Variants in PNPLA8 observed in about 807,000 individuals in gnomAD.
PNPLA8 encodes the protein calcium-independent phospholipase A2-gamma.
Under a neutral mutation model 76.9 loss-of-function variants are expected in PNPLA8, and 39 were observed. The ratio of observed to expected loss-of-function variants is 0.51; its 90% CI spans 0.39 to 0.66. The LOEUF (loss-of-function observed/expected upper bound fraction) is 0.66, where lower values mean the gene tolerates loss of function less well. Among genes scored for constraint, PNPLA8 ranks in the 30% least tolerant of loss-of-function variants. PNPLA8 has a pLI of 0.00. For missense variants in PNPLA8, 887 were observed against 918.0 expected (o/e 0.97, Z 0.44); for synonymous variants, 301 against 307.9 (o/e 0.98, Z 0.24).
At chr7:108,506,161 T>C (rs1862404689) in intron 4 of PNPLA8, among the ~76,000 whole-genome samples, 1 of 152,162 alleles carries the variant, frequency 6.6e-6, no homozygotes, top group Non-Finnish European at 1.5e-5. Context: ...GCAGATTACT[T>C]GAGGTCAGGA....
rs1254368426 is a variant in PNPLA8 at position 108,470,643 on chromosome 7, T to G, written c.*1758A>C. Reference sequence around the variant, plus strand: ...AAATATTCTGATTTCCAATTATTTGTTTTTTTCTTGCATTTACAAGTTGTT... The same window carrying G: ...AAATATTCTGATTTCCAATTATTTGGTTTTTTCTTGCATTTACAAGTTGTT... On this transcript the variant is annotated 3_prime_UTR_variant, in exon 11 of 11. Transcript: ENST00000257694. 2 of 152,172 alleles carry G rather than the reference T, an allele frequency of 1.3e-5. No individual in the cohort carries two copies. Among genetic ancestry groups the G allele is most frequent in the East Asian group, 1.9e-4 (1 of 5,188 alleles). The allele number at this position is 152,172 out of a possible 1,614,324, so 9.4% of individuals were successfully genotyped here.
At chr7:108,473,371 T>C (rs780038268) in intron 10 of PNPLA8, among the ~76,000 whole-genome samples, 5 of 152,214 alleles carry the variant, frequency 3.3e-5, no homozygotes, top group Admixed American at 6.5e-5. Flanking sequence ...AACCCGATTA[T>C]AAACATTTAC....
At chr7:108,512,348 T>C (rs1284088268) in intron 4 of PNPLA8, among the ~76,000 whole-genome samples, 1 of 152,192 alleles carries the variant, frequency 6.6e-6, no homozygotes, top group Non-Finnish European at 1.5e-5. Context: ...CCTACAATGC[T>C]TTGTGCTGCC....
intron 7 of PNPLA8, among the ~76,000 whole-genome samples, chr7:108,492,725 A>C (rs1313297256): frequency 1.3e-5 from 2 of 152,204 alleles, no homozygotes; most frequent in Non-Finnish European, 2.9e-5. Context: ...TCCTCTCAAT[A>C]AACAATGGGC....
At chr7:108,491,562 CT>C in intron 7 of PNPLA8, 95 bp from the exon 8 acceptor site, 1 of 817,926 alleles carries the variant, frequency 1.2e-6, no homozygotes, top group Admixed American at 1.9e-5. Flanking sequence ...TTGTCCATGG[CT>C]TTGTCAAAGT....
chr7:108,515,523 C>A lies in PNPLA8; in HGVS notation c.-32G>T. On this transcript the variant is annotated 5_prime_UTR_variant, in exon 3 of 11. Transcript: ENST00000257694. ...AAAATCATTTATTTTCTATGACATTCTCTCACTTCTTGAACGCTTCATTTA... is the reference window on the plus strand; with the variant it reads ...AAAATCATTTATTTTCTATGACATTATCTCACTTCTTGAACGCTTCATTTA... 1 of 1,361,064 alleles carries A rather than the reference C, an allele frequency of 7.3e-7. No individual in the cohort carries two copies. The highest frequency in any genetic ancestry group is 2.2e-5 in the South Asian group (1 of 45,362). The allele number at this position is 1,361,064 out of a possible 1,614,324, so 84.3% of individuals were successfully genotyped here.
chr7:108,476,497 G>A (rs1316080325), intron 10 of PNPLA8, among the ~76,000 whole-genome samples: 2 of 152,198 alleles, frequency 1.3e-5, no homozygotes, highest in African/African-American at 4.8e-5. Context: ...ATAGGTGTTG[G>A]CAAGGAACTG....
intron 7 of PNPLA8, among the ~76,000 whole-genome samples, chr7:108,491,742 G>A (rs1468857003): frequency 2.6e-5 from 4 of 152,218 alleles, no homozygotes; most frequent in Non-Finnish European, 5.9e-5. Context: ...ATGCAGGAAG[G>A]TTGCTGGAGG....
At chr7:108,510,316 G>A in intron 4 of PNPLA8, 1 of 1,589,220 alleles carries the variant, frequency 6.3e-7, no homozygotes, top group Non-Finnish European at 8.5e-7. Context: ...CAGAGCTGAA[G>A]ATGAAGCGCC....
chr7:108,483,688 AC>A, intron 9 of PNPLA8, among the ~76,000 whole-genome samples: 1 of 152,348 alleles, frequency 6.6e-6, no homozygotes, highest in South Asian at 2.1e-4. Context: ...CTATCTTTAT[AC>A]ATTTGTTGAA....
intron 1 of PNPLA8, among the ~76,000 whole-genome samples, chr7:108,521,730 A>G (rs936968735): frequency 6.6e-6 from 1 of 152,180 alleles, no homozygotes; most frequent in Non-Finnish European, 1.5e-5. Flanking sequence ...TTCTAGTCAG[A>G]GAGAAAAAAC....
At chr7:108,491,507 C>T in intron 7 of PNPLA8, 40 bp from the exon 8 acceptor site, 1 of 1,227,478 alleles carries the variant, frequency 8.1e-7, no homozygotes, top group Middle Eastern at 1.9e-4. Flanking sequence ...ATCAAAATGA[C>T]TTTATCTCCT....
intron 5 of PNPLA8, among the ~76,000 whole-genome samples, chr7:108,497,931 A>G (rs1861661099): frequency 6.6e-6 from 1 of 150,468 alleles, no homozygotes; most frequent in African/African-American, 2.4e-5. Context: ...TGGGAGGTTG[A>G]GGTAAGAGGA....
At chr7:108,500,302 T>C (rs1193041215) in intron 5 of PNPLA8, among the ~76,000 whole-genome samples, 1 of 152,206 alleles carries the variant, frequency 6.6e-6, no homozygotes, top group Non-Finnish European at 1.5e-5. Flanking sequence ...TTGGAACCAA[T>C]TCTATGAACT....
At chr7:108,526,355 CGTG>C (rs1864087971), upstream of PNPLA8, 1 of 12,896 alleles carries the variant, frequency 7.8e-5, no homozygotes, top group Non-Finnish European at 1.5e-4. Context: ...GACGTGTGTG[CGTG>C]CGTGCGTGCG....
intron 1 of PNPLA8, among the ~76,000 whole-genome samples, chr7:108,521,856 A>G (rs1863757811): frequency 6.6e-6 from 1 of 152,220 alleles, no homozygotes; most frequent in Admixed American, 6.5e-5. Flanking sequence ...CAGCTCTCCT[A>G]AACATCTGAA....
intron 5 of PNPLA8, among the ~76,000 whole-genome samples, chr7:108,498,933 T>A (rs903154629): frequency 8.0e-6 from 1 of 125,008 alleles, no homozygotes; most frequent in African/African-American, 3.2e-5. Context: ...AGTGTCAAAT[T>A]GTGCTTGATA....
At position 108,472,612 on chromosome 7, in the gene PNPLA8, A is replaced by G. The variant is rs1259934588; in HGVS notation, c.2138T>C (p.Met713Thr). ...PDTYFRFNPVMCENIPLDESR... is the reference protein window; with the variant it reads ...PDTYFRFNPVTCENIPLDESR... ...TTCATCTAGAGGTATGTTTTCACAC[A>G]TTACAGGATTGAATCTAAAATAGGT... The change falls in exon 11 of 11, where the codon ATG (methionine) becomes ACG (threonine). Residue 713 changes from methionine (M) to threonine (T), a missense_variant. Met to Thr is a moderately conservative substitution (Grantham distance 81). Transcript: ENST00000257694. 2 of 1,606,862 alleles carry G rather than the reference A, an allele frequency of 1.2e-6. No homozygotes were observed. The highest frequency in any genetic ancestry group is 1.3e-5 in the African/African-American group (1 of 74,462).
Position 108,471,213 on chromosome 7 carries a change from C to CTTTTTTTT in PNPLA8, c.*1180_*1187dup, listed in dbSNP as rs67049113. ...TAAGGTAAAACAAGCCTAACTTCTT[C>CTTTTTTTT]TTTTTTTTTTTTTTTTTTTTGAGAT... On this transcript the variant is annotated 3_prime_UTR_variant, in exon 11 of 11. Transcript: ENST00000257694. 1 of 120,154 alleles carries CTTTTTTTT rather than the reference C, an allele frequency of 8.3e-6. No homozygotes were observed. The highest frequency in any genetic ancestry group is 3.2e-5 in the African/African-American group (1 of 31,514). 7.4% of individuals were successfully genotyped at this position (120,154 alleles called of 1,614,324 possible). A position where few individuals can be genotyped will look rare whatever the true frequency, so the allele number is the denominator to read the frequency against.
Sources: allele counts gnomAD v4.1 joint callset (sites outside exome capture counted in the v4.1 genomes callset), GRCh38; gene constraint gnomAD v4.1.1; transcripts MANE v1.5; gene names NCBI Gene and HGNC (gene_info 2026-07-23, HGNC 2026-07-21).